DLG1: variants seen among roughly 807,000 people sequenced by gnomAD.
DLG1 encodes discs large MAGUK scaffold protein 1.
DLG1 carries 42 observed loss-of-function variants against 123.4 expected under a neutral mutation model. The observed-to-expected ratio is 0.34, with a 90% CI of 0.27 to 0.44. The LOEUF is 0.44. DLG1 is among the 20% of genes least tolerant of loss of function. The pLI is 1.00. For synonymous variants in DLG1, 317 were observed against 356.2 expected (o/e 0.89, Z 1.24); for missense variants, 942 against 1,082.6 (o/e 0.87, Z 1.82).
chr3:197,236,042 G>C (rs1158778230), intron 4 of DLG1, among the ~76,000 whole-genome samples: 1 of 152,074 alleles, frequency 6.6e-6, no homozygotes, highest in African/African-American at 2.4e-5. Flanking sequence ...GGCTAGTCAT[G>C]GTGGCTCATG....
At chr3:197,077,114 AG>A (rs796417932) in intron 17 of DLG1, among the ~76,000 whole-genome samples, 4 of 152,260 alleles carry the variant, frequency 2.6e-5, no homozygotes, top group African/African-American at 9.6e-5. Flanking sequence ...GCCTGACCAC[AG>A]TTATTCCTTT....
chr3:197,244,952 T>C (rs1038461240), intron 4 of DLG1, among the ~76,000 whole-genome samples: 4 of 152,176 alleles, frequency 2.6e-5, no homozygotes, highest in Non-Finnish European at 5.9e-5. Flanking sequence ...CGTAGGAATG[T>C]CAACAGTGAA....
rs770127950 is a variant in DLG1, at chr3:197,257,971, T to TA, written c.318+24707dup. On this transcript the variant is annotated intron_variant, in intron 4 of 24. Transcript: ENST00000667157. ...GCAGCTAGCTAAGAACACAAGAACT[T>TA]ACAAACACAAAAATAAATCTCTCTT... 2.2e-4 allele frequency among the ~76,000 whole-genome samples: 34 copies of TA among 152,168 alleles called. 1 individual carries two copies. In the East Asian group the frequency reaches 3.7e-3, roughly 16 times the overall value.
At chr3:197,088,642 G>A (rs540761474) in intron 15 of DLG1, among the ~76,000 whole-genome samples, 3 of 152,294 alleles carry the variant, frequency 2.0e-5, no homozygotes, top group South Asian at 4.1e-4. Flanking sequence ...TATACAGCAC[G>A]TTTACAGAGG....
At chr3:197,268,357 G>A (rs1045430629) in intron 4 of DLG1, among the ~76,000 whole-genome samples, 4 of 152,212 alleles carry the variant, frequency 2.6e-5, no homozygotes, top group African/African-American at 9.6e-5. Flanking sequence ...AAGTTTTGCT[G>A]AGTTTTCTCC....
At chr3:197,125,623 G>C (rs1262970400) in intron 11 of DLG1, among the ~76,000 whole-genome samples, 1 of 152,200 alleles carries the variant, frequency 6.6e-6, no homozygotes, top group Non-Finnish European at 1.5e-5. Context: ...TGGTATTTTA[G>C]AGGTGATGAA....
rs138330451 is a variant in DLG1, at chr3:197,296,953, T to TC, written c.19+232_19+233insG. 45 of 505,288 alleles carry TC rather than the reference T, an allele frequency of 8.9e-5. No individual in the cohort carries two copies. In the East Asian group the frequency reaches 1.4e-3, roughly 16 times the overall value. The allele number at this position is 505,288 out of a possible 1,614,324, so 31.3% of individuals were successfully genotyped here. On this transcript the variant is annotated intron_variant, in intron 2 of 24. Transcript: ENST00000667157. The stretch of plus-strand genomic sequence containing the variant: ...ATTCAGGGTTATTAAGGACATCTGT[T>TC]GGGGGGGGGCTAACTGCCTCTCTTA...
chr3:197,283,859 G>GTTTTTTT (rs36055840), intron 3 of DLG1, among the ~76,000 whole-genome samples: 2 of 104,900 alleles, frequency 1.9e-5, no homozygotes, highest in Admixed American at 1.0e-4. Flanking sequence ...CAGTTGGGTT[G>GTTTTTTT]TTTTTTTTTT....
intron 4 of DLG1, among the ~76,000 whole-genome samples, chr3:197,250,407 A>G (rs1753789799): frequency 6.6e-6 from 1 of 152,016 alleles, no homozygotes. Context: ...AGGTCTACTA[A>G]AAATACAAAA....
intron 4 of DLG1, among the ~76,000 whole-genome samples, chr3:197,249,360 C>A (rs1753267987): frequency 6.6e-6 from 1 of 151,726 alleles, no homozygotes; most frequent in African/African-American, 2.4e-5. Flanking sequence ...AGAAAGAAAA[C>A]CTCAATAAGC....
At chr3:197,094,443 C>T (rs1759488004) in intron 14 of DLG1, among the ~76,000 whole-genome samples, 3 of 152,160 alleles carry the variant, frequency 2.0e-5, no homozygotes, top group Non-Finnish European at 4.4e-5. Flanking sequence ...TTGGTCTCCT[C>T]CTACAAGCAA....
At chr3:197,214,398 C>A (rs962800953) in intron 4 of DLG1, among the ~76,000 whole-genome samples, 3 of 151,946 alleles carry the variant, frequency 2.0e-5, no homozygotes, top group African/African-American at 4.8e-5. Context: ...CACGGTGAAA[C>A]CCCGTCTCTA....
intron 5 of DLG1, among the ~76,000 whole-genome samples, chr3:197,187,233 T>C (rs186034508): frequency 6.6e-6 from 1 of 152,158 alleles, no homozygotes; most frequent in African/African-American, 2.4e-5. Flanking sequence ...TAAAATTCAA[T>C]CATGTTTCTA....
rs1376568496 is a variant in DLG1 at position 197,044,498 on chromosome 3, A to G, written c.*125T>C. ...ACACTACATGTGAAAAAGAAGCTGC[A>G]GACCATGATGTGTGGGATACAATTC... On this transcript the variant is annotated 3_prime_UTR_variant, in exon 25 of 25. Transcript: ENST00000667157. The G allele has an allele frequency of 1.8e-6, 1 of 558,154 alleles. No homozygotes were observed. Among genetic ancestry groups the G allele is most frequent in the East Asian group, 3.0e-5 (1 of 33,520 alleles). The allele number at this position is 558,154 out of a possible 1,614,324, so 34.6% of individuals were successfully genotyped here. A position where few individuals can be genotyped will look rare whatever the true frequency, so the allele number is the denominator to read the frequency against.
chr3:197,130,790 G>T, intron 10 of DLG1, 119 bp from the exon 11 acceptor site: 1 of 723,550 alleles, frequency 1.4e-6, no homozygotes, highest in East Asian at 2.8e-5. Context: ...AAGGTATGCC[G>T]AAAGAAAATA....
chr3:197,178,984 C>T (rs1156815217), intron 5 of DLG1, among the ~76,000 whole-genome samples: 1 of 152,106 alleles, frequency 6.6e-6, no homozygotes. Context: ...TTCAGAAGTT[C>T]TTGAACAACC....
intron 5 of DLG1, among the ~76,000 whole-genome samples, chr3:197,177,445 T>C (rs1348035616): frequency 1.3e-5 from 2 of 152,220 alleles, no homozygotes; most frequent in South Asian, 2.1e-4. Flanking sequence ...TATGAACAAT[T>C]CCATTCCTTG....
chr3:197,158,966 C>A (rs1797662299), intron 5 of DLG1, among the ~76,000 whole-genome samples: 1 of 152,008 alleles, frequency 6.6e-6, no homozygotes, highest in African/African-American at 2.4e-5. Flanking sequence ...TGCAAATAAG[C>A]CTCTGGATTT....
chr3:197,185,872 T>C (rs1406493280), intron 5 of DLG1, among the ~76,000 whole-genome samples: 1 of 152,144 alleles, frequency 6.6e-6, no homozygotes, highest in African/African-American at 2.4e-5. Context: ...TTAGTGAGCA[T>C]CTATTTATCC....
Sources: gnomAD v4.1 joint callset for allele counts (sites outside exome capture counted in the v4.1 genomes callset) on GRCh38, gnomAD v4.1.1 for gene constraint, MANE v1.5 for transcripts, NCBI Gene and HGNC (gene_info 2026-07-23, HGNC 2026-07-21) for gene names.